The following RBFOX1 variants were observed in gnomAD, a reference collection of about 807,000 sequenced individuals.
RBFOX1 encodes RNA binding protein fox-1 homolog 1.
RBFOX1 carries 8 observed loss-of-function variants against 57.7 expected under a neutral mutation model. The observed-to-expected ratio is 0.14, with a 90% CI of 0.08 to 0.25. The LOEUF is 0.25. RBFOX1 is among the 10% of genes least tolerant of loss of function. The pLI is 1.00. For synonymous variants in RBFOX1, 326 were observed against 222.4 expected (o/e 1.47, Z -4.15); for missense variants, 611 against 548.5 (o/e 1.11, Z -1.14).
chr16:7,075,346 G>A (rs1462698510), intron 4 of RBFOX1, among the ~76,000 whole-genome samples: 5 of 152,220 alleles, frequency 3.3e-5, no homozygotes, highest in African/African-American at 1.2e-4. Flanking sequence ...AAGAACTCTA[G>A]GAGAAGAGTT....
At position 7,354,538 on chromosome 16, in the gene RBFOX1, C is replaced by A. The variant is rs532235477; in HGVS notation, c.28-163609C>A. Among the ~76,000 whole-genome samples, 11 of 152,276 alleles carry A rather than the reference C, an allele frequency of 7.2e-5. No individual in the cohort carries two copies. In the South Asian group the frequency reaches 2.3e-3, roughly 32 times the overall value. On this transcript the variant is annotated intron_variant, in intron 4 of 15. Transcript: ENST00000550418. ...ATGAGCTTGGAAAAAAAACTACTTC[C>A]TAAAACCTTCTAAACTCAGCTTTTC...
intron 3 of RBFOX1, among the ~76,000 whole-genome samples, chr16:6,897,781 G>A (rs893938147): frequency 2.6e-5 from 4 of 152,240 alleles, no homozygotes; most frequent in East Asian, 1.9e-4. Flanking sequence ...ATGACAGAGC[G>A]AGATTCCGTC....
chr16:6,975,492 C>A (rs1028889811), intron 3 of RBFOX1, among the ~76,000 whole-genome samples: 19 of 152,068 alleles, frequency 1.2e-4, no homozygotes, highest in African/African-American at 4.6e-4. Flanking sequence ...GTCTCAAACT[C>A]CTGACCTCAA....
intron 4 of RBFOX1, among the ~76,000 whole-genome samples, chr16:7,230,121 AAGG>A (rs113419000): frequency 1.3e-5 from 2 of 150,924 alleles, no homozygotes; most frequent in African/African-American, 4.9e-5. Context: ...GAGAGATGGA[AAGG>A]AGGGAAGGAA....
At chr16:6,536,565 T>TC (rs2096738244) in intron 2 of RBFOX1, among the ~76,000 whole-genome samples, 1 of 151,764 alleles carries the variant, frequency 6.6e-6, no homozygotes. Context: ...AGGTTTTTTT[T>TC]TTCTTTCTAA....
intron 1 of RBFOX1, among the ~76,000 whole-genome samples, chr16:6,279,947 C>T (rs918207062): frequency 1.3e-5 from 2 of 151,286 alleles, no homozygotes; most frequent in African/African-American, 2.4e-5. Flanking sequence ...ATGAAATTTG[C>T]AGACGATATT....
chr16:6,291,763 C>T (rs1326128548), intron 1 of RBFOX1, among the ~76,000 whole-genome samples: 2 of 152,100 alleles, frequency 1.3e-5, no homozygotes, highest in African/African-American at 4.8e-5. Context: ...TTGATCTTGC[C>T]CTTTCCCCTT....
intron 4 of RBFOX1, among the ~76,000 whole-genome samples, chr16:7,304,039 A>G (rs1341537604): frequency 6.6e-6 from 1 of 151,896 alleles, no homozygotes; most frequent in Non-Finnish European, 1.5e-5. Context: ...GAAAAGCCAG[A>G]CGACCGCGCG....
At chr16:5,976,027 C>T (rs542114468) in intron 4 of RBFOX1, among the ~76,000 whole-genome samples, 2 of 151,968 alleles carry the variant, frequency 1.3e-5, no homozygotes, top group Non-Finnish European at 2.9e-5. Context: ...ACCTGTAGTC[C>T]TAGCCACTCA....
chr16:7,229,192 C>T (rs928059182), intron 4 of RBFOX1, among the ~76,000 whole-genome samples: 1 of 152,188 alleles, frequency 6.6e-6, no homozygotes, highest in Non-Finnish European at 1.5e-5. Flanking sequence ...CTTCAGAAAG[C>T]GTCGGCCTTA....
intron 3 of RBFOX1, among the ~76,000 whole-genome samples, chr16:6,937,576 G>A (rs1393038436): frequency 6.6e-6 from 1 of 152,138 alleles, no homozygotes; most frequent in East Asian, 1.9e-4. Context: ...ACACATTTTA[G>A]GGAGATGTGA....
At chr16:7,553,101 C>A (rs530343429) in intron 5 of RBFOX1, among the ~76,000 whole-genome samples, 1 of 151,870 alleles carries the variant, frequency 6.6e-6, no homozygotes, top group African/African-American at 2.4e-5. Context: ...CCTTTTTTCC[C>A]CTTCCTTTTT....
At chr16:6,771,077 T>C (rs2078212274) in intron 3 of RBFOX1, among the ~76,000 whole-genome samples, 1 of 152,072 alleles carries the variant, frequency 6.6e-6, no homozygotes, top group Non-Finnish European at 1.5e-5. Flanking sequence ...CCGAATCCAG[T>C]GTGTTTGGTG....
intron 4 of RBFOX1, among the ~76,000 whole-genome samples, chr16:7,217,584 G>T (rs1332978477): frequency 2.6e-5 from 4 of 151,932 alleles, no homozygotes. Context: ...CATGACAAAG[G>T]GTCATGAGAG....
intron 4 of RBFOX1, among the ~76,000 whole-genome samples, chr16:7,125,679 C>T (rs1040739396): frequency 2.0e-5 from 3 of 152,112 alleles, no homozygotes; most frequent in Admixed American, 2.0e-4. Flanking sequence ...GAGTTATTTG[C>T]TCTAAAATTT....
chr16:6,586,064 T>C (rs980801865), intron 2 of RBFOX1, among the ~76,000 whole-genome samples: 1 of 152,184 alleles, frequency 6.6e-6, no homozygotes, highest in African/African-American at 2.4e-5. Flanking sequence ...AATAGTGAAG[T>C]TATGCTTAAT....
chr16:6,309,697 T>A (rs958196772), intron 1 of RBFOX1, among the ~76,000 whole-genome samples: 1 of 151,396 alleles, frequency 6.6e-6, no homozygotes, highest in Non-Finnish European at 1.5e-5. Context: ...CTCTCGGAGG[T>A]CCCTAGAGCT....
intron 2 of RBFOX1, among the ~76,000 whole-genome samples, chr16:6,605,816 C>G (rs981634024): frequency 6.6e-6 from 1 of 152,136 alleles, no homozygotes; most frequent in African/African-American, 2.4e-5. Context: ...AATATGCATC[C>G]TGGCAGGCCA....
chr16:5,985,467 G>C (rs1446678491), intron 4 of RBFOX1, among the ~76,000 whole-genome samples: 5 of 152,166 alleles, frequency 3.3e-5, no homozygotes, highest in African/African-American at 1.2e-4. Context: ...GCACAGAGGA[G>C]TTAAGTGATG....
Sources: allele counts gnomAD v4.1 joint callset (sites outside exome capture counted in the v4.1 genomes callset), GRCh38; gene constraint gnomAD v4.1.1; transcripts MANE v1.5; gene names NCBI Gene and HGNC (gene_info 2026-07-23, HGNC 2026-07-21).